IL1RAPL1: variants seen among roughly 807,000 people sequenced by gnomAD.
IL1RAPL1 encodes the protein interleukin-1 receptor accessory protein-like 1.
A neutral mutation model predicts 48.4 loss-of-function variants in IL1RAPL1; 3 were observed. That is an observed-to-expected ratio of 0.06 (90% confidence interval 0.03 to 0.16). The LOEUF is 0.16. Among genes scored for constraint, IL1RAPL1 ranks in the 10% least tolerant of loss-of-function variants. The probability of loss-of-function intolerance (pLI) is 1.00; values close to 1 mark genes in which losing one functional copy is unlikely to be tolerated. For missense variants in IL1RAPL1, 349 were observed against 530.6 expected (o/e 0.66, Z 3.36); for synonymous variants, 185 against 187.7 (o/e 0.99, Z 0.12).
intron 2 of IL1RAPL1, among the ~76,000 whole-genome samples, chrX:28,858,719 A>T (rs1208393916): frequency 8.9e-6 from 1 of 112,831 alleles, no homozygotes; most frequent in African/African-American, 3.2e-5. Flanking sequence ...AACTCGCGTT[A>T]TTGAGGCATT....
intron 2 of IL1RAPL1, among the ~76,000 whole-genome samples, chrX:29,035,590 A>G (rs1338542780): frequency 3.6e-5 from 4 of 111,084 alleles, no homozygotes; most frequent in Middle Eastern, 4.7e-3. Context: ...GCAATGAGCC[A>G]GGATCGCACC....
chrX:29,078,604 G>A (rs780131270), intron 2 of IL1RAPL1, among the ~76,000 whole-genome samples: 22 of 112,026 alleles, frequency 2.0e-4, no homozygotes, highest in African/African-American at 6.8e-4. Context: ...ATGAAGATTC[G>A]AAGCGTTAAG....
chrX:29,830,757 A>T (rs1353610297), intron 6 of IL1RAPL1, among the ~76,000 whole-genome samples: 1 of 111,337 alleles, frequency 9.0e-6, no homozygotes, highest in Non-Finnish European at 1.9e-5. Context: ...CCGGCCTCTC[A>T]GACTCTTTAA....
intron 5 of IL1RAPL1, among the ~76,000 whole-genome samples, chrX:29,613,526 A>G (rs764835976): frequency 4.0e-4 from 45 of 111,201 alleles, no homozygotes; most frequent in Admixed American, 1.1e-3. Context: ...TAATGTCTTA[A>G]TTCATAAAGA....
At chrX:29,683,113 T>C (rs1214638764) in intron 6 of IL1RAPL1, among the ~76,000 whole-genome samples, 1 of 112,131 alleles carries the variant, frequency 8.9e-6, no homozygotes, top group African/African-American at 3.2e-5. Context: ...TTTAGTAAAG[T>C]AGACTCCACA....
At chrX:29,672,046 G>A (rs1411651104) in intron 6 of IL1RAPL1, among the ~76,000 whole-genome samples, 1 of 111,667 alleles carries the variant, frequency 9.0e-6, no homozygotes, top group African/African-American at 3.2e-5. Flanking sequence ...AACGCATTCT[G>A]CTCCTATTAA....
At chrX:28,877,184 A>G (rs1322058625) in intron 2 of IL1RAPL1, among the ~76,000 whole-genome samples, 1 of 112,529 alleles carries the variant, frequency 8.9e-6, no homozygotes, top group Non-Finnish European at 1.9e-5. Context: ...AAATCTCACC[A>G]GGTGATTCCG....
At chrX:28,709,452 C>G (rs754697795) in intron 1 of IL1RAPL1, among the ~76,000 whole-genome samples, 94 of 111,606 alleles carry the variant, frequency 8.4e-4, no homozygotes, top group African/African-American at 2.9e-3. Context: ...CCCAGGTAAT[C>G]TGACTTCAGA....
intron 9 of IL1RAPL1, among the ~76,000 whole-genome samples, chrX:29,943,102 A>C (rs1017477038): frequency 1.8e-5 from 2 of 110,424 alleles, no homozygotes; most frequent in African/African-American, 6.6e-5. Context: ...AATGCCTAAC[A>C]CTCCTCTTGG....
chrX:28,803,266 T>A (rs1179179689), intron 2 of IL1RAPL1, among the ~76,000 whole-genome samples: 1 of 111,832 alleles, frequency 8.9e-6, no homozygotes, highest in East Asian at 2.8e-4. Flanking sequence ...AGTTGCTCAC[T>A]ATTATAAATA....
chrX:29,870,091 T>A (rs1295807023), intron 6 of IL1RAPL1, among the ~76,000 whole-genome samples: 1 of 112,081 alleles, frequency 8.9e-6, no homozygotes, highest in African/African-American at 3.2e-5. Context: ...ATTGAATGGG[T>A]CTGACTTAGT....
chrX:29,110,518 G>A (rs1330924433), intron 2 of IL1RAPL1, among the ~76,000 whole-genome samples: 2 of 111,649 alleles, frequency 1.8e-5, no homozygotes, highest in African/African-American at 6.5e-5. Context: ...CTGGGATTAG[G>A]TTTACGTATT....
In IL1RAPL1 at chrX:29,920,135, A is replaced by G. The variant is rs374844839; in HGVS notation, c.1057+41A>G. On this transcript the variant is annotated intron_variant, in intron 8 of 10. Transcript: ENST00000378993. ...TAAGCTTCGGTGGTCAACTGAATGTATGATGGGAGAAAAAATCATTGGGAA... is the reference window on the plus strand; with the variant it reads ...TAAGCTTCGGTGGTCAACTGAATGTGTGATGGGAGAAAAAATCATTGGGAA... 5.9e-6 allele frequency: 7 copies of G among 1,193,434 alleles called. No individual in the cohort carries two copies. In the African/African-American group the frequency reaches 1.1e-4, roughly 18 times the overall value.
chrX:29,331,671 G>C (rs2147634017), intron 3 of IL1RAPL1, among the ~76,000 whole-genome samples: 1 of 112,108 alleles, frequency 8.9e-6, no homozygotes, highest in South Asian at 3.7e-4. Flanking sequence ...ATGGTGCCTA[G>C]TTCCAACTTC....
chrX:29,405,948 T>C (rs1051329634), intron 5 of IL1RAPL1, among the ~76,000 whole-genome samples: 1 of 111,986 alleles, frequency 8.9e-6, no homozygotes, highest in Non-Finnish European at 1.9e-5. Flanking sequence ...GTTTTTATCA[T>C]TCATTTTTCT....
At chrX:28,596,253 T>C (rs1254917279) in intron 1 of IL1RAPL1, among the ~76,000 whole-genome samples, 1 of 111,003 alleles carries the variant, frequency 9.0e-6, no homozygotes, top group East Asian at 2.8e-4. Context: ...AAAAGGAAAA[T>C]TGAGTAATAA....
At chrX:29,254,049 T>G (rs1023529796) in intron 2 of IL1RAPL1, among the ~76,000 whole-genome samples, 8 of 111,088 alleles carry the variant, frequency 7.2e-5, no homozygotes, top group African/African-American at 2.6e-4. Context: ...AATGGGAAAA[T>G]ATAATTGAGC....
At chrX:29,537,240 G>T (rs371961068) in intron 5 of IL1RAPL1, among the ~76,000 whole-genome samples, 17 of 110,499 alleles carry the variant, frequency 1.5e-4, no homozygotes, top group African/African-American at 5.3e-4. Context: ...TTCTTTCATG[G>T]CACCCTTTCT....
chrX:29,241,858 T>A (rs763515244), intron 2 of IL1RAPL1, among the ~76,000 whole-genome samples: 1 of 111,952 alleles, frequency 8.9e-6, no homozygotes, highest in African/African-American at 3.2e-5. Flanking sequence ...CCAACTGCTT[T>A]TGTAGAACTG....
Sources: gnomAD v4.1 joint callset for allele counts (sites outside exome capture counted in the v4.1 genomes callset) on GRCh38, gnomAD v4.1.1 for gene constraint, MANE v1.5 for transcripts, NCBI Gene and HGNC (gene_info 2026-07-23, HGNC 2026-07-21) for gene names.